Variants in GLIS3 observed in about 807,000 individuals in gnomAD.
GLIS3 encodes the protein zinc finger protein GLIS3.
GLIS3 carries 53 observed loss-of-function variants against 78.6 expected under a neutral mutation model. The ratio of observed to expected loss-of-function variants is 0.67; its 90% CI spans 0.54 to 0.85. GLIS3 has a LOEUF of 0.85. Among genes scored for constraint, GLIS3 ranks in the 40% least tolerant of loss-of-function variants. GLIS3 has a pLI of 0.00. For missense variants in GLIS3, 1,703 were observed against 1,231.1 expected (o/e 1.38, Z -5.74); for synonymous variants, 684 against 509.9 (o/e 1.34, Z -4.60).
At chr9:4,404,789 A>C in the GLIS3 span, among the ~76,000 whole-genome samples, 1 of 152,270 alleles carries the variant, frequency 6.6e-6, no homozygotes, top group East Asian at 1.9e-4. Flanking sequence ...TAAATAAGCT[A>C]ATGATATATC....
intron 8 of GLIS3, among the ~76,000 whole-genome samples, chr9:3,859,683 C>G (rs925690273): frequency 2.0e-5 from 3 of 152,196 alleles, no homozygotes; most frequent in African/African-American, 4.8e-5. Context: ...ACCCTGTTCT[C>G]TAGCTGCTGA....
chr9:4,288,572 T>C (rs926262827), intron 1 of GLIS3, among the ~76,000 whole-genome samples: 1 of 152,178 alleles, frequency 6.6e-6, no homozygotes, highest in Non-Finnish European at 1.5e-5. Context: ...AGGAGGTACT[T>C]AGCACGATCA....
At chr9:4,488,147 G>A in the GLIS3 span, among the ~76,000 whole-genome samples, 1 of 151,856 alleles carries the variant, frequency 6.6e-6, no homozygotes, top group African/African-American at 2.4e-5. Flanking sequence ...AGAGACAGTG[G>A]TCTAATTATG....
At position 3,930,088 on chromosome 9, in the gene GLIS3, G is replaced by A. The variant is rs80094296; in HGVS notation, c.1983+2272C>T. The stretch of plus-strand genomic sequence containing the variant: ...GGGAATGACATTTCCTTTTTCTGTT[G>A]GATGGAGCAACTTGCATCATTTTAA... On this transcript the variant is annotated intron_variant, in intron 6 of 10. Coordinates refer to ENST00000381971, the MANE Select transcript of GLIS3 (RefSeq NM_001042413.2). Among the ~76,000 whole-genome samples, 137 of 152,200 alleles carry A rather than the reference G, an allele frequency of 9.0e-4. 1 individual carries two copies. In the East Asian group the frequency reaches 0.026, roughly 29 times the overall value.
At chr9:4,187,542 G>T (rs565348928) in intron 2 of GLIS3, among the ~76,000 whole-genome samples, 12 of 152,250 alleles carry the variant, frequency 7.9e-5, no homozygotes, top group African/African-American at 2.9e-4. Context: ...GAAAGTCATT[G>T]GTAGCTTGAT....
the GLIS3 span, among the ~76,000 whole-genome samples, chr9:4,389,396 C>T: frequency 6.6e-6 from 1 of 152,156 alleles, no homozygotes; most frequent in African/African-American, 2.4e-5. Context: ...CAGCCCAGAA[C>T]TCGTAGGTTG....
chr9:4,468,043 T>C, the GLIS3 span, among the ~76,000 whole-genome samples: 148 of 152,200 alleles, frequency 9.7e-4, 3 homozygotes, highest in Admixed American at 1.2e-3. Context: ...TTATCAGTGA[T>C]TGAAGATCAA....
At chr9:4,186,764 T>A (rs1433490211) in intron 2 of GLIS3, among the ~76,000 whole-genome samples, 1 of 152,360 alleles carries the variant, frequency 6.6e-6, no homozygotes, top group South Asian at 2.1e-4. Context: ...GATGAGCTTT[T>A]TTTCATGTGT....
chr9:4,417,715 A>C, the GLIS3 span, among the ~76,000 whole-genome samples: 1 of 152,208 alleles, frequency 6.6e-6, no homozygotes, highest in Non-Finnish European at 1.5e-5. Context: ...AGGTCATCTA[A>C]TGTTACATTC....
chr9:4,142,229 A>G (rs1833867045), intron 2 of GLIS3, among the ~76,000 whole-genome samples: 1 of 152,252 alleles, frequency 6.6e-6, no homozygotes, highest in Non-Finnish European at 1.5e-5. Flanking sequence ...TAAAAGTAGC[A>G]GTATTTATCT....
intron 4 of GLIS3, among the ~76,000 whole-genome samples, chr9:4,017,823 A>G (rs1430956080): frequency 6.6e-6 from 1 of 152,204 alleles, no homozygotes; most frequent in Non-Finnish European, 1.5e-5. Flanking sequence ...GTCTCTGATG[A>G]AAAGAATTCA....
intron 1 of GLIS3, among the ~76,000 whole-genome samples, chr9:4,347,967 C>A (rs1817916258): frequency 6.6e-6 from 1 of 152,008 alleles, no homozygotes; most frequent in South Asian, 2.1e-4. Flanking sequence ...CCCAGGAGTA[C>A]CCTCATTAAA....
At chr9:4,178,564 G>C (rs1446125105) in intron 2 of GLIS3, among the ~76,000 whole-genome samples, 2 of 152,174 alleles carry the variant, frequency 1.3e-5, no homozygotes, top group East Asian at 3.8e-4. Context: ...GTTTTGCCTA[G>C]GGCTTGACCT....
In GLIS3 at chr9:4,155,887, G is replaced by T. The variant is rs565061344; in HGVS notation, c.389-29946C>A. On this transcript the variant is annotated intron_variant, in intron 2 of 10. Coordinates refer to ENST00000381971, the MANE Select transcript of GLIS3 (RefSeq NM_001042413.2). ...CAGGTCCTCAGGCCCCTCTGCTGTG[G>T]GAACCACTGCTCAAGATCATAGGAA... Among the ~76,000 whole-genome samples, 3 of 152,216 alleles carry T rather than the reference G, an allele frequency of 2.0e-5. No homozygotes were observed. The East Asian group carries it at 5.8e-4, about 29-fold the overall frequency.
In GLIS3 at chr9:3,985,359, G is replaced by C. The variant is rs765501542; in HGVS notation, c.1711-48170C>G. 5.9e-5 allele frequency among the ~76,000 whole-genome samples: 9 copies of C among 152,128 alleles called. 1 individual carries two copies. The highest frequency in any genetic ancestry group is 5.9e-5 in the Non-Finnish European group (4 of 68,032). ...AACAGGGTTTCACCGTGTTGCCCAG[G>C]CTGGTCTCAAACTCCTGAGCTCAGG... On this transcript the variant is annotated intron_variant, in intron 4 of 10. Transcript: ENST00000381971.
chr9:4,134,395 A>C (rs772326847), intron 2 of GLIS3, among the ~76,000 whole-genome samples: 1 of 152,174 alleles, frequency 6.6e-6, no homozygotes, highest in Non-Finnish European at 1.5e-5. Flanking sequence ...CCCAGATGCT[A>C]TTGGAAAATA....
chr9:4,227,711 A>T (rs1387370577), intron 2 of GLIS3, among the ~76,000 whole-genome samples: 1 of 152,252 alleles, frequency 6.6e-6, no homozygotes, highest in African/African-American at 2.4e-5. Flanking sequence ...CAGAAACCCA[A>T]CATATTATCA....
At chr9:4,422,199 G>A in the GLIS3 span, among the ~76,000 whole-genome samples, 1 of 152,174 alleles carries the variant, frequency 6.6e-6, no homozygotes, top group African/African-American at 2.4e-5. Flanking sequence ...TCAACACTTT[G>A]ATGATTGTAT....
chr9:4,213,354 T>C (rs1046090508), intron 2 of GLIS3, among the ~76,000 whole-genome samples: 19 of 152,182 alleles, frequency 1.2e-4, no homozygotes, highest in Admixed American at 1.0e-3. Context: ...TTAAAACCTG[T>C]ACATATTCTT....
Sources: allele counts gnomAD v4.1 joint callset (sites outside exome capture counted in the v4.1 genomes callset), GRCh38; gene constraint gnomAD v4.1.1; transcripts MANE v1.5; gene names NCBI Gene and HGNC (gene_info 2026-07-23, HGNC 2026-07-21).